The following CCDC171 variants were observed in gnomAD, a reference collection of about 807,000 sequenced individuals.
CCDC171 encodes coiled-coil domain-containing protein 171.
CCDC171 carries 177 observed loss-of-function variants against 168.2 expected under a neutral mutation model. The ratio of observed to expected loss-of-function variants is 1.05; its 90% CI spans 0.93 to 1.19. The LOEUF is 1.19. CCDC171 is among the 50% of genes most tolerant of loss of function. The pLI, the probability that CCDC171 is intolerant of heterozygous loss-of-function variation, is 0.00. For synonymous variants in CCDC171, 687 were observed against 540.8 expected (o/e 1.27, Z -3.75); for missense variants, 1,991 against 1,539.0 (o/e 1.29, Z -4.91).
chr9:15,985,824 C>A (rs1438691018), intron 3 of CCDC171, among the ~76,000 whole-genome samples: 1 of 152,152 alleles, frequency 6.6e-6, no homozygotes, highest in East Asian at 1.9e-4. Flanking sequence ...TTTGACAGAC[C>A]CACCTGGAGC....
intron 21 of CCDC171, among the ~76,000 whole-genome samples, chr9:15,813,597 T>C (rs921356827): frequency 1.4e-5 from 2 of 143,728 alleles, no homozygotes; most frequent in African/African-American, 2.6e-5. Flanking sequence ...TACATACTTT[T>C]ACATGTATTT....
chr9:16,061,045 A>G (rs915740011), exon 2 of CCDC171: 2 of 152,180 alleles, frequency 1.3e-5, no homozygotes, highest in African/African-American at 4.8e-5. Context: ...CGCTCTTATC[A>G]CCAAATGTAT....
upstream of CCDC171, among the ~76,000 whole-genome samples, chr9:16,040,842 A>C (rs1833559990): frequency 6.6e-6 from 1 of 152,038 alleles, no homozygotes; most frequent in African/African-American, 2.4e-5. Context: ...ACACATTCAC[A>C]TGCATAGTTT....
chr9:15,846,586 A>G (rs2060904778), intron 21 of CCDC171, 116 bp from the exon 22 acceptor site: 4 of 1,037,622 alleles, frequency 3.9e-6, no homozygotes, highest in Admixed American at 5.1e-5. Context: ...TTGATGTGTA[A>G]TGACCCAAGT....
intron 6 of CCDC171, among the ~76,000 whole-genome samples, chr9:16,032,877 CA>C (rs970269837): frequency 1.3e-5 from 2 of 152,188 alleles, no homozygotes; most frequent in African/African-American, 4.8e-5. Flanking sequence ...AAAACAGGGA[CA>C]AATGCACAGG....
intron 7 of CCDC171, among the ~76,000 whole-genome samples, chr9:15,653,612 G>T (rs966066932): frequency 2.6e-5 from 4 of 152,110 alleles, no homozygotes; most frequent in African/African-American, 7.2e-5. Context: ...AGCTTCAACA[G>T]TTATCAGCTT....
At chr9:15,987,460 G>GT (rs1228267631) in intron 3 of CCDC171, among the ~76,000 whole-genome samples, 6 of 151,310 alleles carry the variant, frequency 4.0e-5, no homozygotes, top group African/African-American at 9.7e-5. Flanking sequence ...TGTAACAAAT[G>GT]TAAAAAAAAA....
In CCDC171 at chr9:15,573,065, A is replaced by C. The variant is rs537349695; in HGVS notation, c.177+1306A>C. Among the ~76,000 whole-genome samples, 68 of 152,262 alleles carry C rather than the reference A, an allele frequency of 4.5e-4. 2 individuals carry two copies. In the South Asian group the frequency reaches 0.014, roughly 31 times the overall value. On this transcript the variant is annotated intron_variant, in intron 3 of 25. Transcript: ENST00000380701. ...TCTCAGCTACTTGGGAGGCTGAGGC[A>C]GGAGAATCGCTTGAGCCCTGGAGCT...
downstream of CCDC171, among the ~76,000 whole-genome samples, chr9:16,066,513 A>C (rs1168681321): frequency 6.7e-6 from 1 of 149,320 alleles, no homozygotes; most frequent in Non-Finnish European, 1.5e-5. Context: ...CACATTGTGC[A>C]GGTTAGTTAT....
rs187039084 is a variant in CCDC171 at position 15,584,168 on chromosome 9, G to A, written c.352+5145G>A. 2.3e-3 allele frequency among the ~76,000 whole-genome samples: 344 copies of A among 152,180 alleles called. 2 individuals are homozygous for A. Among genetic ancestry groups the A allele is most frequent in the African/African-American group, 8.0e-3 (332 of 41,544 alleles). ...AGGCGTGAGCCACCGTGCCCGGCAT[G>A]TTAAGGTATAATTTTGTAACTGTTA... On this transcript the variant is annotated intron_variant, in intron 4 of 25. Transcript: ENST00000380701.
intron 24 of CCDC171, among the ~76,000 whole-genome samples, chr9:15,895,069 G>A (rs2131554529): frequency 6.6e-6 from 1 of 152,162 alleles, no homozygotes; most frequent in Admixed American, 6.6e-5. Context: ...AAATCAAATG[G>A]ACCTCTTATT....
At chr9:15,901,705 T>C (rs1240667623) in intron 24 of CCDC171, among the ~76,000 whole-genome samples, 1 of 152,180 alleles carries the variant, frequency 6.6e-6, no homozygotes, top group African/African-American at 2.4e-5. Flanking sequence ...CTTCACTTGG[T>C]CTATTTGTTA....
chr9:16,103,436 G>T, the CCDC171 span, among the ~76,000 whole-genome samples: 2 of 152,194 alleles, frequency 1.3e-5, no homozygotes, highest in African/African-American at 4.8e-5. Flanking sequence ...AACGGCACTT[G>T]TCTGTGAAAA....
At chr9:15,771,801 TA>T (rs1171490443) in intron 18 of CCDC171, among the ~76,000 whole-genome samples, 2 of 152,112 alleles carry the variant, frequency 1.3e-5, no homozygotes, top group Admixed American at 6.6e-5. Context: ...AATAAATGAT[TA>T]AACTATTTTT....
intron 3 of CCDC171, among the ~76,000 whole-genome samples, chr9:16,010,529 A>T (rs1448014509): frequency 1.3e-5 from 2 of 152,092 alleles, no homozygotes; most frequent in Non-Finnish European, 2.9e-5. Flanking sequence ...GCTCCCCCTC[A>T]GTGCTTCCAG....
intron 1 of CCDC171, among the ~76,000 whole-genome samples, chr9:15,558,723 T>C (rs887825486): frequency 4.6e-5 from 7 of 152,160 alleles, no homozygotes; most frequent in African/African-American, 1.7e-4. Flanking sequence ...TTTTTGTGTC[T>C]CTATCTCCTT....
chr9:15,708,961 C>CT (rs990046519), intron 11 of CCDC171, among the ~76,000 whole-genome samples: 21 of 151,854 alleles, frequency 1.4e-4, no homozygotes, highest in African/African-American at 3.4e-4. Context: ...GGGTTTTACT[C>CT]TTTTTTTTCA....
At chr9:15,696,028 A>G (rs1245410485) in intron 11 of CCDC171, among the ~76,000 whole-genome samples, 3 of 152,344 alleles carry the variant, frequency 2.0e-5, no homozygotes, top group Admixed American at 2.0e-4. Flanking sequence ...TAGCTTTGAC[A>G]TAAATACTTT....
In CCDC171 at chr9:16,044,357, T is replaced by C. The variant is rs552928463; in HGVS notation, n.89+1471T>C. 3.3e-5 allele frequency among the ~76,000 whole-genome samples: 5 copies of C among 152,316 alleles called. No homozygotes were observed. The East Asian group carries it at 7.7e-4, about 24-fold the overall frequency. ...CAGAGGAGAGGATCCGGTTACTTCT[T>C]CCAAATTGTATACGTTGGGTTGTTT... On this transcript the variant is annotated intron_variant and non_coding_transcript_variant, in intron 1 of 1. Transcript: ENST00000478913.
Sources: allele counts gnomAD v4.1 joint callset (sites outside exome capture counted in the v4.1 genomes callset), GRCh38; gene constraint gnomAD v4.1.1; transcripts MANE v1.5; gene names NCBI Gene and HGNC (gene_info 2026-07-23, HGNC 2026-07-21).